Variants in MNDA observed in about 807,000 individuals in gnomAD.
The protein encoded by MNDA is myeloid cell nuclear differentiation antigen, also known as epididymis secretory sperm binding protein.
In MNDA, 43 loss-of-function variants were observed where a neutral mutation model predicts 37.8. The ratio of observed to expected loss-of-function variants is 1.14; its 90% CI spans 0.89 to 1.47. The LOEUF (loss-of-function observed/expected upper bound fraction) is 1.47. Among genes scored for constraint, MNDA ranks in the 40% most tolerant of loss-of-function variants. The pLI is 0.00. For missense variants in MNDA, 536 were observed against 476.0 expected, an observed-to-expected ratio of 1.13 and a Z score of -1.17; for synonymous variants, 181 against 169.0, an observed-to-expected ratio of 1.07 and a Z score of -0.55.
rs776081749 is a variant in MNDA at position 158,844,028 on chromosome 1, C to T, written c.476C>T (p.Pro159Leu). ...NKVSQEQSKP[P>L]GPSGASTSAA... ...GTGTCCCAAGAGCAGAGTAAGCCCC[C>T]AGGTCCCTCAGGAGCCAGCACATCT... The change falls in exon 4 of 7, where the codon CCA becomes CTA. Residue 159 changes from proline to leucine, a missense_variant. Coordinates refer to ENST00000368141, the MANE Select transcript of MNDA (RefSeq NM_002432.3). 2.2e-5 allele frequency: 36 copies of T among 1,613,586 alleles called. No homozygotes were observed. In the Middle Eastern group the frequency reaches 6.6e-4, roughly 29 times the overall value.
intron 1 of MNDA, among the ~76,000 whole-genome samples, chr1:158,839,579 C>G (rs1658988952): frequency 6.6e-6 from 1 of 152,114 alleles, no homozygotes; most frequent in South Asian, 2.1e-4. Context: ...ACTAGTCCCT[C>G]AAGGAACCTA....
At chr1:158,838,021 A>G (rs1658956995) in intron 1 of MNDA, among the ~76,000 whole-genome samples, 1 of 151,914 alleles carries the variant, frequency 6.6e-6, no homozygotes, top group Admixed American at 6.6e-5. Context: ...TTATGTTAAT[A>G]TTACAAATTG....
chr1:158,843,548 T>A, intron 3 of MNDA, 133 bp downstream of exon 3: 2 of 982,668 alleles, frequency 2.0e-6, no homozygotes, highest in Non-Finnish European at 2.8e-6. Flanking sequence ...TTGTGATGAG[T>A]AAAGAGTTAG....
rs1167222277 is a variant in MNDA at position 158,844,173 on chromosome 1, G to A, written c.570+51G>A. ...CATTTTTTTTTAACCCAGTCACAGT[G>A]CATTCCACTGTTACTATTGTTACTC... On this transcript the variant is annotated intron_variant, in intron 4 of 6. Coordinates refer to ENST00000368141, the MANE Select transcript of MNDA (RefSeq NM_002432.3). 4 of 1,399,976 alleles carry A rather than the reference G, an allele frequency of 2.9e-6. No individual in the cohort carries two copies. The Admixed American group carries it at 9.9e-5, about 35-fold the overall frequency. 86.7% of individuals were successfully genotyped at this position (1,399,976 alleles called of 1,614,324 possible).
In MNDA at chr1:158,849,352, C is replaced by A; in HGVS notation, c.*115C>A. The stretch of plus-strand genomic sequence containing the variant: ...TAAATGATGTTTCAGTAGATATATT[C>A]TAGCATATTAAGAGCTTTTATAACT... On this transcript the variant is annotated 3_prime_UTR_variant, in exon 7 of 7. Coordinates refer to ENST00000368141, the MANE Select transcript of MNDA (RefSeq NM_002432.3). 1 of 880,024 alleles carries A rather than the reference C, an allele frequency of 1.1e-6. No homozygotes were observed. 54.5% of individuals were successfully genotyped at this position (880,024 alleles called of 1,614,324 possible).
chr1:158,846,020 G>A lies in MNDA; in HGVS notation c.987+17G>A. On this transcript the variant is annotated intron_variant, in intron 5 of 6. Coordinates refer to ENST00000368141, the MANE Select transcript of MNDA (RefSeq NM_002432.3). Reference sequence around the variant, plus strand: ...TTACAAAAGGTAAACCCTTAATTTTGTTTTAATTTTCTCTACCATTACCTG... The same window carrying A: ...TTACAAAAGGTAAACCCTTAATTTTATTTTAATTTTCTCTACCATTACCTG... 1.3e-6 allele frequency: 2 copies of A among 1,560,746 alleles called. No homozygotes were observed. The highest frequency in any genetic ancestry group is 8.7e-7 in the Non-Finnish European group (1 of 1,155,360).
rs1365866587 is a variant in MNDA, at chr1:158,843,423, T to C, written c.402+8T>C. 3 of 1,596,650 alleles carry C rather than the reference T, an allele frequency of 1.9e-6. No individual in the cohort carries two copies. The highest frequency in any genetic ancestry group is 3.5e-5 in the Admixed American group (2 of 56,568). On this transcript the variant is annotated splice_region_variant and intron_variant, in intron 3 of 6. Transcript: ENST00000368141. ...AGGATTCCTGTAGCTCAGGTAAGCT[T>C]GAGAAAGAGGAGCAGGACTGAAGCC...
At chr1:158,843,131 C>A (rs866907534) in intron 2 of MNDA, 148 bp from the exon 3 acceptor site, 6 of 922,512 alleles carry the variant, frequency 6.5e-6, no homozygotes, top group African/African-American at 5.1e-5. Context: ...CTCCTAGGAG[C>A]CAGGCTGGGT....
chr1:158,845,222 GTTTGT>G (rs2102051443), intron 4 of MNDA, among the ~76,000 whole-genome samples: 1 of 8,824 alleles, frequency 1.1e-4, no homozygotes, highest in South Asian at 2.0e-3. Flanking sequence ...TTTTGTTGTT[GTTTGT>G]TTGTTTGTTT....
At chr1:158,832,286 A>G (rs1658819228) in intron 1 of MNDA, among the ~76,000 whole-genome samples, 1 of 151,966 alleles carries the variant, frequency 6.6e-6, no homozygotes, top group Non-Finnish European at 1.5e-5. Context: ...TGAGTACTTG[A>G]GAAGAGTTTA....
In MNDA at chr1:158,844,140, C is replaced by T; in HGVS notation, c.570+18C>T. 6.6e-7 allele frequency: 1 copy of T among 1,521,768 alleles called. No individual in the cohort carries two copies. The highest frequency in any genetic ancestry group is 8.8e-7 in the Non-Finnish European group (1 of 1,131,686). The allele number at this position is 1,521,768 out of a possible 1,614,324, so 94.3% of individuals were successfully genotyped here. A position where few individuals can be genotyped will look rare whatever the true frequency, so the allele number is the denominator to read the frequency against. On this transcript the variant is annotated intron_variant, in intron 4 of 6. Transcript: ENST00000368141. ...TTACTCCGGTACACTCTTCCTGGTC[C>T]TCTTCTCCATTTTTTTTTAACCCAG...
intron 2 of MNDA, 152 bp downstream of exon 2, chr1:158,842,570 C>T: frequency 1.5e-6 from 1 of 667,346 alleles, no homozygotes; most frequent in Non-Finnish European, 2.6e-6. Context: ...GACCAGTTGG[C>T]AATTTAGAAC....
intron 1 of MNDA, among the ~76,000 whole-genome samples, chr1:158,835,997 G>T (rs1450970518): frequency 6.6e-6 from 1 of 151,806 alleles, no homozygotes; most frequent in Non-Finnish European, 1.5e-5. Flanking sequence ...AGGAATAAGA[G>T]AAATATTTTC....
intron 1 of MNDA, among the ~76,000 whole-genome samples, chr1:158,838,426 G>T (rs1658964290): frequency 6.6e-6 from 1 of 151,998 alleles, no homozygotes; most frequent in Non-Finnish European, 1.5e-5. Flanking sequence ...GGTCTACAAA[G>T]TATTTGCTGA....
At chr1:158,836,133 G>A (rs1251238984) in intron 1 of MNDA, among the ~76,000 whole-genome samples, 1 of 136,584 alleles carries the variant, frequency 7.3e-6, no homozygotes, top group Non-Finnish European at 1.6e-5. Flanking sequence ...ATGTTCGCTA[G>A]CATTTTGTAA....
intron 1 of MNDA, among the ~76,000 whole-genome samples, chr1:158,838,255 T>C (rs544518208): frequency 1.3e-5 from 2 of 152,178 alleles, no homozygotes; most frequent in South Asian, 4.1e-4. Context: ...CTTTAGTATT[T>C]CTTTTAAGGT....
rs144833167 is a variant in MNDA, at chr1:158,835,889, CA to C, written c.-21+4333del. 4.0e-3 allele frequency among the ~76,000 whole-genome samples: 609 copies of C among 151,604 alleles called. 6 individuals carry two copies. Among genetic ancestry groups the C allele is most frequent in the African/African-American group, 0.013 (520 of 41,340 alleles). ...TATTTTTTGCATCAATTGAGATGATCATTTTTTTTTTGTCTTTCATTCTGGT... is the reference window on the plus strand; with the variant it reads ...TATTTTTTGCATCAATTGAGATGATCTTTTTTTTTTGTCTTTCATTCTGGT... On this transcript the variant is annotated intron_variant, in intron 1 of 6. Transcript: ENST00000368141.
At chr1:158,838,545 A>G (rs987299819) in intron 1 of MNDA, among the ~76,000 whole-genome samples, 2 of 152,050 alleles carry the variant, frequency 1.3e-5, no homozygotes, top group African/African-American at 4.8e-5. Context: ...TAATTTGATA[A>G]TAATGTGTCA....
At chr1:158,832,636 G>A (rs1658826467) in intron 1 of MNDA, among the ~76,000 whole-genome samples, 1 of 151,320 alleles carries the variant, frequency 6.6e-6, no homozygotes, top group Admixed American at 6.6e-5. Context: ...CTTTTTCCAA[G>A]TTGCATACTT....
Sources: gnomAD v4.1 joint callset for allele counts (sites outside exome capture counted in the v4.1 genomes callset) on GRCh38, gnomAD v4.1.1 for gene constraint, MANE v1.5 for transcripts, NCBI Gene and HGNC (gene_info 2026-07-23, HGNC 2026-07-21) for gene names.